The following PSPC1 variants were observed in gnomAD, a reference collection of about 807,000 sequenced individuals.
PSPC1 encodes the protein paraspeckle protein 1.
In PSPC1, 14 loss-of-function variants were observed where a neutral mutation model predicts 51.6. That is an observed-to-expected ratio of 0.27 (90% CI 0.18 to 0.42). PSPC1 has a LOEUF of 0.42. Ranked by LOEUF, PSPC1 falls within the 10% of genes least tolerant of loss-of-function variation. The probability of loss-of-function intolerance (pLI) is 1.00; values close to 1 mark genes in which losing one functional copy is unlikely to be tolerated. For synonymous variants in PSPC1, 193 were observed against 231.9 expected, an observed-to-expected ratio of 0.83 and a Z score of 1.53; for missense variants, 406 against 701.1, an observed-to-expected ratio of 0.58 and a Z score of 4.75.
intron 6 of PSPC1, among the ~76,000 whole-genome samples, chr13:19,710,191 C>A (rs1254518192): frequency 6.6e-6 from 1 of 152,178 alleles, no homozygotes; most frequent in African/African-American, 2.4e-5. Context: ...GAAAGCTCGA[C>A]ATAACATTGC....
intron 1 of PSPC1, among the ~76,000 whole-genome samples, chr13:19,775,975 C>G (rs1889077047): frequency 6.6e-6 from 1 of 151,890 alleles, no homozygotes; most frequent in South Asian, 2.1e-4. Context: ...GGTGTGAACA[C>G]GGGAGGCGGA....
chr13:19,696,479 G>T (rs1879253874), intron 6 of PSPC1, among the ~76,000 whole-genome samples: 1 of 149,920 alleles, frequency 6.7e-6, no homozygotes, highest in Non-Finnish European at 1.5e-5. Context: ...ATTTTGAGTA[G>T]GCCTTTATCA....
At chr13:19,673,090 T>A (rs1362871166), downstream of PSPC1, 1 of 350,836 alleles carries the variant, frequency 2.9e-6, no homozygotes, top group African/African-American at 3.3e-5. Flanking sequence ...CCTATACGGT[T>A]TTTTTTTGTT....
chr13:19,782,837 A>G lies in PSPC1; in HGVS notation c.-80T>C, dbSNP rs931474122. ...TCTATATATATGTATACGTCTCTAC[A>G]TAAACCTATGCCAACAAAATATCGA... is the stretch of plus-strand genomic sequence containing the variant. On this transcript the variant is annotated 5_prime_UTR_variant, in exon 1 of 9. The change abolishes an upstream ATG in the 5' untranslated region. Transcript: ENST00000338910. The surrounding 1 kb of genome is among the most constrained non-coding windows in gnomAD (Gnocchi z 4.5). The G allele has an allele frequency of 1.0e-4, 137 of 1,370,670 alleles. No individual in the cohort carries two copies. Among genetic ancestry groups the G allele is most frequent in the Middle Eastern group, 2.4e-4 (1 of 4,136 alleles). 84.9% of individuals were successfully genotyped at this position (1,370,670 alleles called of 1,614,324 possible).
intron 6 of PSPC1, among the ~76,000 whole-genome samples, chr13:19,723,333 C>T (rs1882997747): frequency 6.6e-6 from 1 of 152,136 alleles, no homozygotes; most frequent in African/African-American, 2.4e-5. Context: ...GAAGTGTGTA[C>T]ACAGTATGAG....
intron 2 of PSPC1, among the ~76,000 whole-genome samples, chr13:19,759,923 G>A (rs1408040001): frequency 6.7e-6 from 1 of 149,934 alleles, no homozygotes; most frequent in African/African-American, 2.4e-5. Context: ...AATGTCAAAA[G>A]CCACAAAAAG....
At chr13:19,740,343 C>CA (rs879686651) in intron 5 of PSPC1, among the ~76,000 whole-genome samples, 1,590 of 130,624 alleles carry the variant, frequency 0.012, 28 homozygotes, top group African/African-American at 0.041. Context: ...AACTCCCTCT[C>CA]AAAAAAAAAA....
At chr13:19,681,357 G>A (rs1051763207) in intron 6 of PSPC1, among the ~76,000 whole-genome samples, 1 of 151,896 alleles carries the variant, frequency 6.6e-6, no homozygotes, top group East Asian at 1.9e-4. Context: ...GAAGACACAA[G>A]ATCTACTATT....
intron 5 of PSPC1, 111 bp downstream of exon 5, chr13:19,741,453 CA>C: frequency 1.4e-6 from 1 of 730,024 alleles, no homozygotes; most frequent in Non-Finnish European, 2.2e-6. Flanking sequence ...TTAAAATGGG[CA>C]ATTTTTCTAT....
intron 4 of PSPC1, among the ~76,000 whole-genome samples, chr13:19,750,563 A>G (rs1043140322): frequency 6.6e-6 from 1 of 152,050 alleles, no homozygotes; most frequent in Admixed American, 6.6e-5. Flanking sequence ...ATCCATCTGT[A>G]CTCTTTCAAA....
At chr13:19,681,417 T>C (rs1031646883) in intron 6 of PSPC1, among the ~76,000 whole-genome samples, 2 of 151,878 alleles carry the variant, frequency 1.3e-5, no homozygotes, top group Non-Finnish European at 2.9e-5. Flanking sequence ...TTATATATAA[T>C]AGAAGTAAGT....
At chr13:19,677,187 C>T (rs568453230) in intron 7 of PSPC1, among the ~76,000 whole-genome samples, 7 of 146,682 alleles carry the variant, frequency 4.8e-5, no homozygotes, top group East Asian at 2.0e-4. Context: ...GAGCCAAGAT[C>T]GTGCCACTGC....
chr13:19,712,281 G>A (rs1412443339), intron 6 of PSPC1, among the ~76,000 whole-genome samples: 1 of 152,118 alleles, frequency 6.6e-6, no homozygotes, highest in Non-Finnish European at 1.5e-5. Context: ...CTAATATAGG[G>A]TAATTGTTTA....
intron 7 of PSPC1, among the ~76,000 whole-genome samples, chr13:19,708,324 G>A (rs1240850541): frequency 1.3e-5 from 2 of 152,148 alleles, no homozygotes; most frequent in Non-Finnish European, 2.9e-5. Context: ...GTTTGCCATG[G>A]TAGTGTAATC....
chr13:19,722,333 C>A (rs76200959), intron 6 of PSPC1, among the ~76,000 whole-genome samples: 1 of 151,186 alleles, frequency 6.6e-6, no homozygotes, highest in African/African-American at 2.4e-5. Context: ...TCCAACTCTA[C>A]AAAAAAAATG....
At chr13:19,756,909 C>T (rs1024304564) in intron 3 of PSPC1, among the ~76,000 whole-genome samples, 1 of 151,446 alleles carries the variant, frequency 6.6e-6, no homozygotes, top group African/African-American at 2.4e-5. Context: ...GCAGGCGGAT[C>T]ACAAGGTCAG....
At chr13:19,765,459 C>T (rs1163762918) in intron 2 of PSPC1, among the ~76,000 whole-genome samples, 3 of 149,022 alleles carry the variant, frequency 2.0e-5, no homozygotes, top group African/African-American at 4.9e-5. Context: ...CAAAATGACA[C>T]AATAGATCCA....
intron 6 of PSPC1, among the ~76,000 whole-genome samples, chr13:19,724,997 CAAAAATAAAAAT>C (rs555308009): frequency 2.0e-5 from 3 of 151,118 alleles, no homozygotes; most frequent in East Asian, 3.9e-4. Flanking sequence ...GACTCCGTCT[CAAAAATAAAAAT>C]AAAAATAAAA....
chr13:19,742,037 C>A (rs540333005), intron 4 of PSPC1, among the ~76,000 whole-genome samples: 1 of 152,192 alleles, frequency 6.6e-6, no homozygotes, highest in African/African-American at 2.4e-5. Flanking sequence ...AAGGCTGAGG[C>A]AGGAGAATCA....
Sources: allele counts gnomAD v4.1 joint callset (sites outside exome capture counted in the v4.1 genomes callset), GRCh38; gene constraint gnomAD v4.1.1; non-coding constraint Gnocchi (gnomAD v3.1); transcripts MANE v1.5; gene names NCBI Gene and HGNC (gene_info 2026-07-23, HGNC 2026-07-21).